The following YAP1 variants were observed in gnomAD, a reference collection of about 807,000 sequenced individuals.
The protein encoded by YAP1 is transcriptional coactivator YAP1.
In YAP1, 5 loss-of-function variants were observed where a neutral mutation model predicts 56.9. The observed-to-expected ratio is 0.09, with a 90% CI of 0.05 to 0.18. The LOEUF is 0.18. YAP1 is among the 10% of genes least tolerant of loss of function. The probability of loss-of-function intolerance (pLI) is 1.00; values close to 1 mark genes in which losing one functional copy is unlikely to be tolerated. For missense variants in YAP1, 539 were observed against 651.8 expected, an observed-to-expected ratio of 0.83 and a Z score of 1.88; for synonymous variants, 265 against 248.1, an observed-to-expected ratio of 1.07 and a Z score of -0.64.
chr11:102,170,332 AT>A (rs977752299), intron 3 of YAP1, among the ~76,000 whole-genome samples: 7 of 152,104 alleles, frequency 4.6e-5, no homozygotes, highest in Admixed American at 2.6e-4. Context: ...GCAGATCAGT[AT>A]TTTTTTTAAT....
chr11:102,199,242 G>A (rs1948723349), intron 4 of YAP1, among the ~76,000 whole-genome samples: 2 of 152,112 alleles, frequency 1.3e-5, no homozygotes, highest in South Asian at 4.1e-4. Context: ...AGAAAACCAA[G>A]GATTAAGTGA....
rs554589643 is a variant in YAP1, at chr11:102,149,978, T to C, written c.573-12478T>C. 2.0e-4 allele frequency among the ~76,000 whole-genome samples: 4 copies of C among 20,180 alleles called. No homozygotes were observed. The East Asian group carries it at 4.5e-3, about 23-fold the overall frequency. The allele number at this position is 20,180 out of a possible 152,430, so 13.2% of individuals were successfully genotyped here. On this transcript the variant is annotated intron_variant, in intron 2 of 8. Coordinates refer to ENST00000282441, the MANE Select transcript of YAP1 (RefSeq NM_001130145.3). ...AAAAAAGAGATTTTGAGTAGTGTGC[T>C]TTTTTTTTTTTTTTTTTTTTTTTTT...
At chr11:102,154,063 G>A (rs980488206) in intron 2 of YAP1, among the ~76,000 whole-genome samples, 1 of 151,932 alleles carries the variant, frequency 6.6e-6, no homozygotes, top group Non-Finnish European at 1.5e-5. Flanking sequence ...TTTTCTACCA[G>A]TAGCCATAAA....
rs67023819 is a variant in YAP1, at chr11:102,161,053, CTTTTTTTTTTT to C, written c.573-1388_573-1378del. Among the ~76,000 whole-genome samples the C allele has an allele frequency of 2.3e-3, 173 of 75,508 alleles. 1 individual carries two copies. The highest frequency in any genetic ancestry group is 8.8e-3 in the African/African-American group (157 of 17,828). 49.5% of individuals were successfully genotyped at this position (75,508 alleles called of 152,430 possible). A position where few individuals can be genotyped will look rare whatever the true frequency, so the allele number is the denominator to read the frequency against. ...GGCCAGTGTCACCAATAATTTCTTT[CTTTTTTTTTTT>C]TTTTTTTTTTTTTTGAGATGGAATC... On this transcript the variant is annotated intron_variant, in intron 2 of 8. Transcript: ENST00000282441.
intron 2 of YAP1, among the ~76,000 whole-genome samples, chr11:102,144,959 G>A (rs1462284971): frequency 6.6e-6 from 1 of 151,532 alleles, no homozygotes; most frequent in East Asian, 1.9e-4. Context: ...CTCCCTCTCA[G>A]CTATTTCTGA....
intron 2 of YAP1, among the ~76,000 whole-genome samples, chr11:102,145,622 C>T (rs1012362616): frequency 6.6e-6 from 1 of 151,998 alleles, no homozygotes; most frequent in African/African-American, 2.4e-5. Flanking sequence ...AGGTAAAAGA[C>T]GTTATTAGGA....
rs186688370 is a variant in YAP1, at chr11:102,176,678, G to A, written c.689-9340G>A. The stretch of plus-strand genomic sequence containing the variant: ...GGAGAATCACTTGAACCCAGGAGGC[G>A]GAGGTTGCAGTGAGCTGAGATCACA... On this transcript the variant is annotated intron_variant, in intron 3 of 8. Coordinates refer to ENST00000282441, the MANE Select transcript of YAP1 (RefSeq NM_001130145.3). Among the ~76,000 whole-genome samples, 13 of 146,804 alleles carry A rather than the reference G, an allele frequency of 8.9e-5. No individual in the cohort carries two copies. The East Asian group carries it at 1.4e-3, about 16-fold the overall frequency.
chr11:102,186,225 T>C, intron 4 of YAP1, 94 bp downstream of exon 4: 1 of 1,355,672 alleles, frequency 7.4e-7, no homozygotes, highest in Non-Finnish European at 1.0e-6. Context: ...AAAATCGCAT[T>C]GCTTTATAGT....
chr11:102,216,680 C>CT (rs1343465832), intron 6 of YAP1, among the ~76,000 whole-genome samples: 1 of 152,120 alleles, frequency 6.6e-6, no homozygotes, highest in Admixed American at 6.5e-5. Context: ...ACGTCTATCT[C>CT]TAAGAAGTTT....
At chr11:102,177,235 C>A (rs1262498141) in intron 3 of YAP1, among the ~76,000 whole-genome samples, 1 of 152,074 alleles carries the variant, frequency 6.6e-6, no homozygotes, top group Non-Finnish European at 1.5e-5. Flanking sequence ...AGTACCGAAG[C>A]AGTGCTATAT....
At chr11:102,206,468 C>T (rs1356999189) in intron 5 of YAP1, among the ~76,000 whole-genome samples, 9 of 152,154 alleles carry the variant, frequency 5.9e-5, no homozygotes, top group East Asian at 1.9e-4. Flanking sequence ...ACTTACGTGG[C>T]GGGATACACC....
At chr11:102,172,327 T>C (rs1317132266) in intron 3 of YAP1, among the ~76,000 whole-genome samples, 2 of 142,358 alleles carry the variant, frequency 1.4e-5, no homozygotes, top group African/African-American at 5.6e-5. Context: ...TTTTTTTTTT[T>C]TGGACACAGG....
chr11:102,205,782 G>A lies in YAP1; in HGVS notation c.803-111G>A. On this transcript the variant is annotated intron_variant, in intron 4 of 8. Transcript: ENST00000282441. The stretch of plus-strand genomic sequence containing the variant: ...TTTTTAGGTTATTTCCAGTCTTCCT[G>A]CCCAAAAAAGTTACATCGAATATCC... 5.5e-6 allele frequency: 6 copies of A among 1,081,936 alleles called. No individual in the cohort carries two copies. The South Asian group carries it at 1.4e-4, about 26-fold the overall frequency. The allele number at this position is 1,081,936 out of a possible 1,614,324, so 67.0% of individuals were successfully genotyped here. A position where few individuals can be genotyped will look rare whatever the true frequency, so the allele number is the denominator to read the frequency against.
At chr11:102,154,123 A>G (rs1383823406) in intron 2 of YAP1, among the ~76,000 whole-genome samples, 2 of 152,196 alleles carry the variant, frequency 1.3e-5, no homozygotes, top group African/African-American at 4.8e-5. Flanking sequence ...ATGGAATTTC[A>G]TAGTCATTTA....
At chr11:102,206,926 A>G (rs1949151118) in intron 5 of YAP1, among the ~76,000 whole-genome samples, 3 of 144,666 alleles carry the variant, frequency 2.1e-5, no homozygotes, top group African/African-American at 7.8e-5. Context: ...ATTTTGGGGA[A>G]AGTAGGACAT....
intron 3 of YAP1, among the ~76,000 whole-genome samples, chr11:102,184,914 A>T (rs139785771): frequency 2.6e-5 from 4 of 152,232 alleles, no homozygotes; most frequent in Admixed American, 2.6e-4. Flanking sequence ...AGACTGATCA[A>T]CCTGGCACTT....
At chr11:102,162,956 C>G (rs973800403) in intron 3 of YAP1, among the ~76,000 whole-genome samples, 1 of 143,830 alleles carries the variant, frequency 7.0e-6, no homozygotes, top group Non-Finnish European at 1.5e-5. Context: ...CTATAGTGTT[C>G]TTATTTTTTA....
At chr11:102,156,178 T>A (rs1945933442) in intron 2 of YAP1, among the ~76,000 whole-genome samples, 1 of 152,212 alleles carries the variant, frequency 6.6e-6, no homozygotes, top group Non-Finnish European at 1.5e-5. Flanking sequence ...TAGTATTTGT[T>A]CAGGAATGTC....
At chr11:102,128,799 G>C (rs983251250) in intron 2 of YAP1, among the ~76,000 whole-genome samples, 3 of 152,172 alleles carry the variant, frequency 2.0e-5, no homozygotes, top group African/African-American at 7.2e-5. Context: ...TGATAAGGGA[G>C]GTAGTCCTAT....
Sources: allele counts gnomAD v4.1 joint callset (sites outside exome capture counted in the v4.1 genomes callset), GRCh38; gene constraint gnomAD v4.1.1; transcripts MANE v1.5; gene names NCBI Gene and HGNC (gene_info 2026-07-23, HGNC 2026-07-21).